IMMP2L: variants seen among roughly 807,000 people sequenced by gnomAD.
IMMP2L encodes mitochondrial inner membrane protease subunit 2.
In IMMP2L, 18 loss-of-function variants were observed where a neutral mutation model predicts 19.3. The ratio of observed to expected loss-of-function variants is 0.93; its 90% CI spans 0.64 to 1.38. The LOEUF (loss-of-function observed/expected upper bound fraction) is 1.38, where lower values mean the gene tolerates loss of function less well. IMMP2L is among the 40% of genes most tolerant of loss of function. The pLI, the probability that IMMP2L is intolerant of heterozygous loss-of-function variation, is 0.00. For missense variants in IMMP2L, 233 were observed against 218.2 expected (o/e 1.07, Z -0.43); for synonymous variants, 76 against 73.0 (o/e 1.04, Z -0.21).
At chr7:110,891,366 A>C (rs1320039706) in intron 4 of IMMP2L, among the ~76,000 whole-genome samples, 1 of 152,228 alleles carries the variant, frequency 6.6e-6, no homozygotes, top group Non-Finnish European at 1.5e-5. Context: ...AGTGAAACTA[A>C]GGTTCGAATT....
At chr7:111,336,017 A>G (rs1826365352) in intron 3 of IMMP2L, among the ~76,000 whole-genome samples, 1 of 152,032 alleles carries the variant, frequency 6.6e-6, no homozygotes, top group African/African-American at 2.4e-5. Flanking sequence ...GTTTTGTCAA[A>G]AAAATGGTTT....
intron 5 of IMMP2L, among the ~76,000 whole-genome samples, chr7:110,791,898 A>T (rs1040486394): frequency 2.6e-5 from 4 of 151,852 alleles, no homozygotes; most frequent in Non-Finnish European, 5.9e-5. Flanking sequence ...AGGGCAAATG[A>T]TGAGGTGGAG....
At chr7:111,259,237 G>A (rs1053694531) in intron 3 of IMMP2L, among the ~76,000 whole-genome samples, 4 of 152,164 alleles carry the variant, frequency 2.6e-5, no homozygotes, top group African/African-American at 9.7e-5. Context: ...ATCAGTGAGT[G>A]AGTGGTGAGT....
At chr7:110,866,145 C>T (rs1807956748) in intron 5 of IMMP2L, among the ~76,000 whole-genome samples, 1 of 151,798 alleles carries the variant, frequency 6.6e-6, no homozygotes, top group East Asian at 1.9e-4. Flanking sequence ...GTATCTATTA[C>T]ATTTGTTGTT....
intron 4 of IMMP2L, 62 bp downstream of exon 4, chr7:110,963,438 A>G (rs954184522): frequency 1.7e-5 from 20 of 1,161,252 alleles, no homozygotes; most frequent in Admixed American, 4.0e-5. Context: ...TTCCCAAGTA[A>G]TGTAGGTAAC....
chr7:111,418,578 T>C lies in IMMP2L; in HGVS notation c.239+68660A>G, dbSNP rs187576496. Among the ~76,000 whole-genome samples, 170 of 151,966 alleles carry C rather than the reference T, an allele frequency of 1.1e-3. 1 individual carries two copies. Among genetic ancestry groups the C allele is most frequent in the African/African-American group, 3.8e-3 (157 of 41,270 alleles). ...CAAATGTCATTCCTAGTAATTAGGT[T>C]ACACTGAGTGCCTTTGAGCTTTGCA... On this transcript the variant is annotated intron_variant, in intron 3 of 5. Coordinates refer to ENST00000405709, the MANE Select transcript of IMMP2L (RefSeq NM_032549.4).
rs535521482 is a variant in IMMP2L at position 110,803,372 on chromosome 7, C to T, written c.408+83221G>A. 6.6e-6 allele frequency among the ~76,000 whole-genome samples: 1 copy of T among 152,110 alleles called. No individual in the cohort carries two copies. The highest frequency in any genetic ancestry group is 2.4e-5 in the African/African-American group (1 of 41,528). On this transcript the variant is annotated intron_variant, in intron 5 of 5. Transcript: ENST00000405709. The surrounding 1 kb of genome is among the most constrained non-coding windows in gnomAD (Gnocchi z 4.2). ...AGAACCTGGACTCAATTTGATCTGC[C>T]ATAGAGAGACACTGAGTGTGGAATC...
intron 3 of IMMP2L, among the ~76,000 whole-genome samples, chr7:111,273,199 C>G (rs1818663790): frequency 6.6e-6 from 1 of 151,902 alleles, no homozygotes; most frequent in African/African-American, 2.4e-5. Flanking sequence ...ATCGCTTGTA[C>G]CCAGGAGGCG....
chr7:110,955,160 T>C (rs774201726), intron 4 of IMMP2L, among the ~76,000 whole-genome samples: 2 of 151,964 alleles, frequency 1.3e-5, no homozygotes, highest in African/African-American at 2.4e-5. Flanking sequence ...TAGAAACAAA[T>C]ACCTATTGCT....
chr7:111,560,763 C>T (rs147765984), intron 1 of IMMP2L, among the ~76,000 whole-genome samples: 2 of 152,186 alleles, frequency 1.3e-5, no homozygotes, highest in African/African-American at 2.4e-5. Flanking sequence ...GATAAAAGTG[C>T]GTAGCACATG....
intron 5 of IMMP2L, among the ~76,000 whole-genome samples, chr7:110,690,762 C>T (rs1347598121): frequency 6.6e-6 from 1 of 151,518 alleles, no homozygotes; most frequent in Non-Finnish European, 1.5e-5. Context: ...TATACTTTAC[C>T]AAGAAGGTGA....
At chr7:111,414,483 G>C (rs1200637230) in intron 3 of IMMP2L, among the ~76,000 whole-genome samples, 2 of 151,836 alleles carry the variant, frequency 1.3e-5, no homozygotes, top group African/African-American at 4.9e-5. Flanking sequence ...TGTATAAACA[G>C]TAAAAAGAAC....
Position 111,148,922 on chromosome 7 carries a change from T to A in IMMP2L, c.240-185357A>T, listed in dbSNP as rs115844436. On this transcript the variant is annotated intron_variant, in intron 3 of 5. Transcript: ENST00000405709. ...AAGCTATTCTATGAGGTTGGGACTATCATTAACCATAGGAAAAAAACTAAA... is the reference window on the plus strand; with the variant it reads ...AAGCTATTCTATGAGGTTGGGACTAACATTAACCATAGGAAAAAAACTAAA... Among the ~76,000 whole-genome samples, 1,099 of 152,180 alleles carry A rather than the reference T, an allele frequency of 7.2e-3. 16 individuals are homozygous for A. Among genetic ancestry groups the A allele is most frequent in the African/African-American group, 0.024 (1,004 of 41,526 alleles).
intron 3 of IMMP2L, among the ~76,000 whole-genome samples, chr7:111,107,735 A>G (rs565175333): frequency 1.3e-5 from 2 of 152,254 alleles, no homozygotes; most frequent in Admixed American, 1.3e-4. Context: ...TCTAGTGAGT[A>G]ATAATTTTGT....
At chr7:110,989,612 C>T (rs1029285748) in intron 3 of IMMP2L, among the ~76,000 whole-genome samples, 1 of 149,432 alleles carries the variant, frequency 6.7e-6, no homozygotes, top group Non-Finnish European at 1.5e-5. Flanking sequence ...TTTTTATGGG[C>T]AATTCTCGTT....
In IMMP2L at chr7:111,213,942, C is replaced by T; in HGVS notation, c.240-250377G>A. ...TAAAAGGTGATTTAAAAAAATAAGA[C>T]CCAAGTCACATGAATAGTGAAGAGC... is the stretch of plus-strand genomic sequence containing the variant. On this transcript the variant is annotated intron_variant, in intron 3 of 5. Transcript: ENST00000405709. The surrounding 1 kb of genome is among the most constrained non-coding windows in gnomAD (Gnocchi z 4.8). Among the ~76,000 whole-genome samples, 1 of 152,062 alleles carries T rather than the reference C, an allele frequency of 6.6e-6. No individual in the cohort carries two copies. The highest frequency in any genetic ancestry group is 1.9e-4 in the East Asian group (1 of 5,198).
chr7:110,954,499 T>G (rs945160670), intron 4 of IMMP2L, among the ~76,000 whole-genome samples: 1 of 152,094 alleles, frequency 6.6e-6, no homozygotes, highest in Non-Finnish European at 1.5e-5. Context: ...AAACTATCAC[T>G]ATCTGATACT....
At chr7:111,014,234 A>C (rs1825265528) in intron 3 of IMMP2L, among the ~76,000 whole-genome samples, 1 of 152,144 alleles carries the variant, frequency 6.6e-6, no homozygotes, top group African/African-American at 2.4e-5. Flanking sequence ...GCATGCCTGT[A>C]ATCACAGCTA....
At chr7:111,028,105 C>G (rs959766009) in intron 3 of IMMP2L, among the ~76,000 whole-genome samples, 2 of 151,976 alleles carry the variant, frequency 1.3e-5, no homozygotes, top group African/African-American at 4.8e-5. Flanking sequence ...AGTTCAAAAA[C>G]AAATGGAAGA....
Sources: gnomAD v4.1 joint callset for allele counts (sites outside exome capture counted in the v4.1 genomes callset) on GRCh38, gnomAD v4.1.1 for gene constraint, Gnocchi (gnomAD v3.1) non-coding constraint, MANE v1.5 for transcripts, NCBI Gene and HGNC (gene_info 2026-07-23, HGNC 2026-07-21) for gene names.